Variants in NRG1 observed in about 807,000 individuals in gnomAD.
NRG1 encodes neuregulin 1, also known as pro-neuregulin-1, membrane-bound isoform.
In NRG1, 18 loss-of-function variants were observed where a neutral mutation model predicts 63.8. The ratio of observed to expected loss-of-function variants is 0.28; its 90% CI spans 0.19 to 0.42. NRG1 has a LOEUF of 0.42. Ranked by LOEUF, NRG1 falls within the 10% of genes least tolerant of loss-of-function variation. The probability of loss-of-function intolerance (pLI) is 1.00; values close to 1 mark genes in which losing one functional copy is unlikely to be tolerated. For missense variants in NRG1, 762 were observed against 814.7 expected, an observed-to-expected ratio of 0.94 and a Z score of 0.79; for synonymous variants, 302 against 301.3, an observed-to-expected ratio of 1.00 and a Z score of -0.02.
chr8:32,038,437 G>T (rs1279140137), intron 1 of NRG1, among the ~76,000 whole-genome samples: 1 of 152,068 alleles, frequency 6.6e-6, no homozygotes, highest in African/African-American at 2.4e-5. Flanking sequence ...TTGGCTCAAG[G>T]TTCAGTTTGA....
At chr8:31,657,933 TG>T (rs1184471473) in intron 1 of NRG1, among the ~76,000 whole-genome samples, 1 of 152,192 alleles carries the variant, frequency 6.6e-6, no homozygotes, top group Non-Finnish European at 1.5e-5. Flanking sequence ...CACCATCACT[TG>T]GGTGAGGTCC....
chr8:32,561,379 A>G (rs953935429), intron 1 of NRG1, among the ~76,000 whole-genome samples: 7 of 152,172 alleles, frequency 4.6e-5, no homozygotes, highest in African/African-American at 1.7e-4. Flanking sequence ...AGTATCTTGT[A>G]CCCAAGTAGC....
intron 1 of NRG1, among the ~76,000 whole-genome samples, chr8:32,217,213 C>CAAA (rs538507645): frequency 1.0e-3 from 104 of 101,150 alleles, no homozygotes; most frequent in East Asian, 1.9e-3. Context: ...GACCCTGTCT[C>CAAA]AAAAAAAAAA....
intron 1 of NRG1, among the ~76,000 whole-genome samples, chr8:32,372,828 T>C (rs1286555025): frequency 2.6e-5 from 4 of 152,122 alleles, no homozygotes; most frequent in African/African-American, 7.2e-5. Flanking sequence ...TTTACATTGT[T>C]TCTACTGGGA....
At chr8:32,429,487 G>A (rs1817855579) in intron 1 of NRG1, among the ~76,000 whole-genome samples, 1 of 152,154 alleles carries the variant, frequency 6.6e-6, no homozygotes, top group Admixed American at 6.6e-5. Context: ...AGGCACCTTG[G>A]CAGTAACTTA....
At chr8:32,098,080 C>T (rs898296956) in intron 1 of NRG1, among the ~76,000 whole-genome samples, 1 of 151,888 alleles carries the variant, frequency 6.6e-6, no homozygotes, top group Non-Finnish European at 1.5e-5. Context: ...TAAGAGTTGC[C>T]AGAGAAAGAA....
chr8:31,987,318 A>ATGTGTGTGTGTGTG (rs775800534), intron 1 of NRG1, among the ~76,000 whole-genome samples: 2 of 75,180 alleles, frequency 2.7e-5, no homozygotes, highest in African/African-American at 1.0e-4. Flanking sequence ...AAAAACATAT[A>ATGTGTGTGTGTGTG]TATGTGTGTG....
intron 5 of NRG1, among the ~76,000 whole-genome samples, chr8:32,676,577 AG>A (rs1345600835): frequency 6.6e-6 from 1 of 152,128 alleles, no homozygotes; most frequent in Non-Finnish European, 1.5e-5. Flanking sequence ...TACTTTTCTC[AG>A]GTTAGCTGTG....
At chr8:32,623,673 T>C (rs1848711338) in intron 5 of NRG1, among the ~76,000 whole-genome samples, 1 of 152,248 alleles carries the variant, frequency 6.6e-6, no homozygotes, top group African/African-American at 2.4e-5. Context: ...TCGTATATTA[T>C]AGCCATTCAT....
At chr8:32,648,557 G>T (rs1188597438) in intron 5 of NRG1, among the ~76,000 whole-genome samples, 1 of 152,128 alleles carries the variant, frequency 6.6e-6, no homozygotes, top group Non-Finnish European at 1.5e-5. Flanking sequence ...AAATGATCTT[G>T]CAAACTCCGG....
At chr8:31,773,209 G>A (rs1027010962) in intron 1 of NRG1, among the ~76,000 whole-genome samples, 3 of 152,178 alleles carry the variant, frequency 2.0e-5, no homozygotes, top group Admixed American at 2.0e-4. Flanking sequence ...AGGGGAAAGT[G>A]TGGCACTGTC....
intron 1 of NRG1, among the ~76,000 whole-genome samples, chr8:32,218,941 G>A (rs747781894): frequency 3.9e-5 from 6 of 152,128 alleles, no homozygotes; most frequent in Admixed American, 6.5e-5. Context: ...TACAGATTCA[G>A]AATCACAGAA....
chr8:32,325,546 A>G (rs1801894965), intron 1 of NRG1, among the ~76,000 whole-genome samples: 1 of 151,924 alleles, frequency 6.6e-6, no homozygotes, highest in Non-Finnish European at 1.5e-5. Flanking sequence ...TGCCTGGTTA[A>G]TTTTTTATAT....
At chr8:31,715,449 G>C (rs1470319018) in intron 1 of NRG1, among the ~76,000 whole-genome samples, 1 of 152,072 alleles carries the variant, frequency 6.6e-6, no homozygotes, top group Non-Finnish European at 1.5e-5. Flanking sequence ...TAAAAGTACA[G>C]AGCAGCTTCC....
chr8:32,103,679 A>G (rs755398833), intron 1 of NRG1, among the ~76,000 whole-genome samples: 2 of 152,110 alleles, frequency 1.3e-5, no homozygotes, highest in Admixed American at 1.3e-4. Flanking sequence ...TTGGGGAGCC[A>G]TATGGAAATT....
chr8:31,640,103 G>A lies in NRG1; in HGVS notation c.37+672G>A. On this transcript the variant is annotated intron_variant, in intron 1 of 10. Transcript: ENST00000519301. The surrounding 1 kb of genome is among the most constrained non-coding windows in gnomAD (Gnocchi z 6.3). ...CTGCTGCCACTACTGCTGCTGCTGG[G>A]GACCGCGGCCCTGGCGCCGGGGGCG... The A allele has an allele frequency of 1.7e-6, 2 of 1,145,178 alleles. No individual in the cohort carries two copies. The highest frequency in any genetic ancestry group is 2.1e-6 in the Non-Finnish European group (2 of 933,358). The allele number at this position is 1,145,178 out of a possible 1,614,324, so 70.9% of individuals were successfully genotyped here.
At chr8:31,713,531 T>C (rs1006249425) in intron 1 of NRG1, among the ~76,000 whole-genome samples, 4 of 152,212 alleles carry the variant, frequency 2.6e-5, no homozygotes, top group Non-Finnish European at 5.9e-5. Context: ...GAACTGTTAA[T>C]GGTAAGCTAC....
At chr8:31,655,911 C>A (rs748355839) in intron 1 of NRG1, among the ~76,000 whole-genome samples, 2 of 152,182 alleles carry the variant, frequency 1.3e-5, no homozygotes, top group Non-Finnish European at 2.9e-5. Flanking sequence ...CTGGCTTGAG[C>A]AAATTGTATG....
intron 7 of NRG1, among the ~76,000 whole-genome samples, chr8:32,746,800 T>C (rs1827515562): frequency 6.6e-6 from 1 of 151,690 alleles, no homozygotes; most frequent in South Asian, 2.1e-4. Flanking sequence ...CAGGCCAACA[T>C]TAGATTAAGT....
Sources: gnomAD v4.1 joint callset for allele counts (sites outside exome capture counted in the v4.1 genomes callset) on GRCh38, gnomAD v4.1.1 for gene constraint, Gnocchi (gnomAD v3.1) non-coding constraint, MANE v1.5 for transcripts, NCBI Gene and HGNC (gene_info 2026-07-23, HGNC 2026-07-21) for gene names.